Variants in EYA4 observed in about 807,000 individuals in gnomAD.
The protein encoded by EYA4 is protein phosphatase EYA4.
In EYA4, 31 loss-of-function variants were observed where a neutral mutation model predicts 87.9. The ratio of observed to expected loss-of-function variants is 0.35; its 90% CI spans 0.27 to 0.48. The LOEUF (loss-of-function observed/expected upper bound fraction) is 0.48. Ranked by LOEUF, EYA4 falls within the 20% of genes least tolerant of loss-of-function variation. The pLI is 0.99. For synonymous variants in EYA4, 263 were observed against 270.6 expected (o/e 0.97, Z 0.28); for missense variants, 678 against 761.4 (o/e 0.89, Z 1.29).
intron 5 of EYA4, 150 bp from the exon 6 acceptor site, chr6:133,456,406 T>C: frequency 1.4e-6 from 1 of 691,548 alleles, no homozygotes; most frequent in South Asian, 1.6e-5. Context: ...TGCATGCCCG[T>C]TTAGAAGCTA....
At chr6:133,343,946 A>G (rs576574663) in intron 2 of EYA4, among the ~76,000 whole-genome samples, 2 of 150,754 alleles carry the variant, frequency 1.3e-5, no homozygotes, top group African/African-American at 2.4e-5. Flanking sequence ...TGCTCTGCAA[A>G]TCTTCTAATT....
intron 2 of EYA4, among the ~76,000 whole-genome samples, chr6:133,323,448 T>A (rs148548307): frequency 2.2e-4 from 33 of 152,290 alleles, no homozygotes; most frequent in African/African-American, 7.9e-4. Context: ...TAAGATGTAG[T>A]ATTTTGACAT....
At chr6:133,247,994 G>T (rs1247264118) in intron 1 of EYA4, 3 of 152,248 alleles carry the variant, frequency 2.0e-5, no homozygotes, top group South Asian at 4.1e-4. Context: ...CAGCAGAAAG[G>T]TGTGTCTACT....
At chr6:133,351,717 G>A (rs570450355) in intron 2 of EYA4, among the ~76,000 whole-genome samples, 2 of 152,232 alleles carry the variant, frequency 1.3e-5, no homozygotes, top group East Asian at 3.9e-4. Flanking sequence ...ATTACAGGAA[G>A]GGTGTTGGGT....
chr6:133,435,737 A>G (rs1791599500), intron 3 of EYA4, among the ~76,000 whole-genome samples: 1 of 152,198 alleles, frequency 6.6e-6, no homozygotes, highest in Admixed American at 6.5e-5. Context: ...GGCATGTCCT[A>G]CTAATTTTCA....
intron 13 of EYA4, among the ~76,000 whole-genome samples, chr6:133,504,325 G>A (rs895540810): frequency 5.9e-5 from 9 of 152,146 alleles, no homozygotes; most frequent in Non-Finnish European, 1.2e-4. Context: ...ACTGGAAGAC[G>A]GATGAATCCG....
intron 1 of EYA4, among the ~76,000 whole-genome samples, chr6:133,272,493 G>A (rs1776779770): frequency 1.3e-5 from 2 of 152,190 alleles, no homozygotes; most frequent in Admixed American, 1.3e-4. Context: ...GTTCATGATA[G>A]CCAGTTAAGG....
chr6:133,277,853 C>G (rs1777306968), intron 2 of EYA4, among the ~76,000 whole-genome samples: 1 of 152,188 alleles, frequency 6.6e-6, no homozygotes, highest in Non-Finnish European at 1.5e-5. Context: ...AAAGCTTTGT[C>G]CACTCTTAAT....
intron 3 of EYA4, among the ~76,000 whole-genome samples, chr6:133,436,433 C>G (rs1035372539): frequency 3.9e-5 from 6 of 152,098 alleles, no homozygotes; most frequent in African/African-American, 7.2e-5. Context: ...ATGACTTTAT[C>G]TACATTTTTT....
intron 11 of EYA4, among the ~76,000 whole-genome samples, chr6:133,469,458 T>A (rs1479946890): frequency 6.6e-6 from 1 of 151,920 alleles, no homozygotes; most frequent in Admixed American, 6.6e-5. Context: ...ATTTAAAGAC[T>A]TATAATGTAC....
chr6:133,402,690 G>C (rs1788366697), intron 3 of EYA4, among the ~76,000 whole-genome samples: 2 of 151,644 alleles, frequency 1.3e-5, no homozygotes, highest in South Asian at 4.2e-4. Context: ...TACTGATTCA[G>C]GGAGCTGTGC....
chr6:133,284,513 G>T (rs1022211470), intron 2 of EYA4, among the ~76,000 whole-genome samples: 1 of 152,206 alleles, frequency 6.6e-6, no homozygotes, highest in African/African-American at 2.4e-5. Context: ...TAAGATAGCA[G>T]AATGTATGGA....
At chr6:133,316,877 T>C (rs1181029184) in intron 2 of EYA4, among the ~76,000 whole-genome samples, 2 of 151,748 alleles carry the variant, frequency 1.3e-5, no homozygotes, top group African/African-American at 4.8e-5. Flanking sequence ...CTTCCCTGGG[T>C]CCTAGTGGCT....
chr6:133,311,851 T>C (rs762132571), intron 2 of EYA4, among the ~76,000 whole-genome samples: 21 of 151,598 alleles, frequency 1.4e-4, no homozygotes, highest in Non-Finnish European at 3.1e-4. Context: ...AATAAATTAA[T>C]AAATAAGAAT....
rs749021618 is a variant in EYA4, at chr6:133,461,171, A to G, written c.428A>G (p.Tyr143Cys). The G allele has an allele frequency of 6.2e-7, 1 of 1,611,846 alleles. No individual in the cohort carries two copies. Among genetic ancestry groups the G allele is most frequent in the Non-Finnish European group, 8.5e-7 (1 of 1,178,004 alleles). ...RSAHQYSPQL[Y>C]PSKPYPHILS... ...GCACATCAGTATTCCCCACAGCTGT[A>G]TCCTTCCAAGTAAGTGGTCAGTAGA... The change falls in exon 7 of 20, where the codon TAT (tyrosine) becomes TGT (cysteine). Residue 143 changes from tyrosine to cysteine, a missense_variant. Coordinates refer to ENST00000355286, the MANE Select transcript of EYA4 (RefSeq NM_004100.5).
At chr6:133,395,837 G>T (rs555008146) in intron 3 of EYA4, among the ~76,000 whole-genome samples, 1 of 152,110 alleles carries the variant, frequency 6.6e-6, no homozygotes, top group Admixed American at 6.6e-5. Context: ...CTTACCCCAT[G>T]TAGAGTCCCA....
intron 2 of EYA4, among the ~76,000 whole-genome samples, chr6:133,380,826 G>GCCTTATTCCTCTTCCTCCTCCT (rs1453288262): frequency 2.0e-5 from 3 of 148,154 alleles, no homozygotes; most frequent in Middle Eastern, 6.9e-3. Flanking sequence ...CTCCTCCTAC[G>GCCTTATTCCTCTTCCTCCTCCT]CCTTATTCCT....
intron 4 of EYA4, among the ~76,000 whole-genome samples, 173 bp from the exon 5 acceptor site, chr6:133,447,938 T>A (rs569878233): frequency 2.6e-5 from 4 of 152,230 alleles, no homozygotes; most frequent in Non-Finnish European, 5.9e-5. Context: ...CTAATCATCA[T>A]ATGTATATAT....
Position 133,394,282 on chromosome 6 carries a change from G to GTATTTTTTTTTT in EYA4, c.83+11842_83+11843insATTTTTTTTTTT, listed in dbSNP as rs1562368948. ...GTTGGAAAAATGTATATATAAGCTTGTGTTTTTTTTTTTTTTTTTTTTTTT... is the reference window on the plus strand; with the variant it reads ...GTTGGAAAAATGTATATATAAGCTTGTATTTTTTTTTTTGTTTTTTTTTTTTTTTTTTTTTTT... On this transcript the variant is annotated intron_variant, in intron 3 of 19. Coordinates refer to ENST00000355286, the MANE Select transcript of EYA4 (RefSeq NM_004100.5). Among the ~76,000 whole-genome samples, 3 of 107,844 alleles carry GTATTTTTTTTTT rather than the reference G, an allele frequency of 2.8e-5. 1 individual carries two copies. The highest frequency in any genetic ancestry group is 4.8e-5 in the African/African-American group (1 of 20,804). The allele number at this position is 107,844 out of a possible 152,430, so 70.7% of individuals were successfully genotyped here.
Sources: gnomAD v4.1 joint callset for allele counts (sites outside exome capture counted in the v4.1 genomes callset) on GRCh38, gnomAD v4.1.1 for gene constraint, MANE v1.5 for transcripts, NCBI Gene and HGNC (gene_info 2026-07-23, HGNC 2026-07-21) for gene names.